The following DYNC1I1 variants were observed in gnomAD, a reference collection of about 807,000 sequenced individuals.
The protein encoded by DYNC1I1 is dynein cytoplasmic 1 intermediate chain 1, also known as cytoplasmic dynein 1 intermediate chain 1.
A neutral mutation model predicts 86.6 loss-of-function variants in DYNC1I1; 43 were observed. The ratio of observed to expected loss-of-function variants is 0.50; its 90% CI spans 0.39 to 0.64. The LOEUF (loss-of-function observed/expected upper bound fraction) is 0.64, where lower values mean the gene tolerates loss of function less well. DYNC1I1 is among the 30% of genes least tolerant of loss of function. The probability of loss-of-function intolerance (pLI) is 0.00; values close to 1 mark genes in which losing one functional copy is unlikely to be tolerated. For missense variants in DYNC1I1, 604 were observed against 788.8 expected, an observed-to-expected ratio of 0.77 and a Z score of 2.81; for synonymous variants, 262 against 283.7, an observed-to-expected ratio of 0.92 and a Z score of 0.77.
intron 16 of DYNC1I1, 132 bp from the exon 17 acceptor site, chr7:96,097,351 G>T: frequency 2.1e-6 from 2 of 974,724 alleles, no homozygotes; most frequent in East Asian, 2.6e-5. Context: ...AAGAATGTTT[G>T]ATTTCCTTTA....
intron 5 of DYNC1I1, among the ~76,000 whole-genome samples, chr7:95,848,207 T>C (rs1341429757): frequency 1.1e-5 from 1 of 90,086 alleles, no homozygotes; most frequent in Non-Finnish European, 2.5e-5. Context: ...GACTTACAGT[T>C]GTTTTTTTTT....
chr7:95,927,352 T>C (rs1584167190), intron 6 of DYNC1I1, among the ~76,000 whole-genome samples: 2 of 152,050 alleles, frequency 1.3e-5, no homozygotes, highest in Admixed American at 1.3e-4. Flanking sequence ...AACATAACAA[T>C]AGTCAGAAGA....
intron 1 of DYNC1I1, among the ~76,000 whole-genome samples, chr7:95,780,331 G>A (rs145903909): frequency 0.011 from 1,687 of 151,094 alleles, 17 homozygotes; most frequent in Non-Finnish European, 0.018. Flanking sequence ...GCAGTGGCAT[G>A]ATCTTGGCTC....
intron 10 of DYNC1I1, among the ~76,000 whole-genome samples, chr7:96,009,963 A>T (rs1488220638): frequency 6.6e-6 from 1 of 151,910 alleles, no homozygotes; most frequent in East Asian, 1.9e-4. Context: ...ATTTTTAGTA[A>T]AGATGAGGTT....
intron 5 of DYNC1I1, among the ~76,000 whole-genome samples, chr7:95,835,801 C>T (rs1417894406): frequency 1.3e-5 from 2 of 151,366 alleles, no homozygotes; most frequent in African/African-American, 2.4e-5. Context: ...CAACCCCTGC[C>T]TTTTTTTGTT....
chr7:96,060,413 ATGTTTCCAT>A (rs906582583), intron 14 of DYNC1I1, among the ~76,000 whole-genome samples: 39 of 152,198 alleles, frequency 2.6e-4, no homozygotes, highest in South Asian at 4.1e-4. Context: ...CATAAAATAA[ATGTTTCCAT>A]TAGAGAACTC....
At chr7:95,886,049 T>C (rs1196565877) in intron 6 of DYNC1I1, among the ~76,000 whole-genome samples, 1 of 152,176 alleles carries the variant, frequency 6.6e-6, no homozygotes, top group Non-Finnish European at 1.5e-5. Context: ...ATTGAGCTAT[T>C]ACTTGCCCAG....
intron 6 of DYNC1I1, among the ~76,000 whole-genome samples, chr7:95,949,458 A>G (rs1355536861): frequency 2.6e-5 from 4 of 152,252 alleles, no homozygotes; most frequent in Non-Finnish European, 5.9e-5. Flanking sequence ...TTTACTGCAC[A>G]TTTAAATGTT....
chr7:96,079,728 A>G (rs1584304800), intron 15 of DYNC1I1, among the ~76,000 whole-genome samples: 2 of 152,154 alleles, frequency 1.3e-5, no homozygotes, highest in Admixed American at 1.3e-4. Flanking sequence ...CGCTTATTAC[A>G]CTTCGGTACT....
intron 5 of DYNC1I1, among the ~76,000 whole-genome samples, chr7:95,833,453 G>A (rs1332351833): frequency 6.8e-6 from 1 of 147,522 alleles, no homozygotes; most frequent in Non-Finnish European, 1.5e-5. Flanking sequence ...GGTGATGGGG[G>A]CTCTTTTTTG....
intron 4 of DYNC1I1, among the ~76,000 whole-genome samples, chr7:95,824,323 G>T (rs2618976): frequency 0.53 from 80,803 of 151,536 alleles, 22,156 homozygotes; most frequent in African/African-American, 0.67. Flanking sequence ...CCTCATAAGA[G>T]CTGTAGGTTC....
chr7:95,793,565 G>A (rs1297830556), intron 1 of DYNC1I1, among the ~76,000 whole-genome samples: 3 of 152,182 alleles, frequency 2.0e-5, no homozygotes, highest in African/African-American at 7.2e-5. Context: ...AGCAACAGCA[G>A]TTTAGAATTA....
intron 1 of DYNC1I1, among the ~76,000 whole-genome samples, chr7:95,801,711 AG>A (rs1794581246): frequency 6.6e-6 from 1 of 152,238 alleles, no homozygotes; most frequent in Admixed American, 6.5e-5. Flanking sequence ...CACACTAGTT[AG>A]ATGGACCCTC....
chr7:96,099,203 A>G (rs1241429508), downstream of DYNC1I1, among the ~76,000 whole-genome samples: 1 of 152,206 alleles, frequency 6.6e-6, no homozygotes, highest in Non-Finnish European at 1.5e-5. Context: ...GTGAGTGATG[A>G]TGTGAAAAGT....
At chr7:95,811,211 C>T (rs1794823057) in intron 3 of DYNC1I1, among the ~76,000 whole-genome samples, 1 of 151,956 alleles carries the variant, frequency 6.6e-6, no homozygotes, top group South Asian at 2.1e-4. Context: ...TGTCACTTAC[C>T]TATGTATCTC....
chr7:95,908,875 C>T (rs1791245739), intron 6 of DYNC1I1, among the ~76,000 whole-genome samples: 1 of 151,948 alleles, frequency 6.6e-6, no homozygotes, highest in African/African-American at 2.4e-5. Flanking sequence ...GTGATCTTGG[C>T]CTGTAAAGAA....
chr7:96,032,936 C>G (rs1363529566), intron 12 of DYNC1I1, among the ~76,000 whole-genome samples, 156 bp downstream of exon 12: 1 of 152,186 alleles, frequency 6.6e-6, no homozygotes, highest in African/African-American at 2.4e-5. Context: ...GCAATCTTCT[C>G]TTGAAGCCAA....
intron 13 of DYNC1I1, 29 bp downstream of exon 13, chr7:96,035,781 A>C: frequency 6.2e-7 from 1 of 1,607,094 alleles, no homozygotes; most frequent in Non-Finnish European, 8.5e-7. Context: ...TACTGATGAC[A>C]TGTTCTTCAT....
At chr7:95,841,215 C>T (rs1172499360) in intron 5 of DYNC1I1, among the ~76,000 whole-genome samples, 2 of 152,118 alleles carry the variant, frequency 1.3e-5, no homozygotes, top group Non-Finnish European at 2.9e-5. Flanking sequence ...TAAGGAGAAG[C>T]TATAGGCTTG....
Sources: gnomAD v4.1 joint callset for allele counts (sites outside exome capture counted in the v4.1 genomes callset) on GRCh38, gnomAD v4.1.1 for gene constraint, MANE v1.5 for transcripts, NCBI Gene and HGNC (gene_info 2026-07-23, HGNC 2026-07-21) for gene names.